ADK: variants seen among roughly 807,000 people sequenced by gnomAD.
ADK encodes N6,N6-dimethyladenosine kinase.
Under a neutral mutation model 44.7 loss-of-function variants are expected in ADK, and 24 were observed. That is an observed-to-expected ratio of 0.54 (90% CI 0.39 to 0.76). The LOEUF (loss-of-function observed/expected upper bound fraction) is 0.76, where lower values mean the gene tolerates loss of function less well. ADK is among the 30% of genes least tolerant of loss of function. The pLI is 0.00. For missense variants in ADK, 321 were observed against 425.1 expected, an observed-to-expected ratio of 0.76 and a Z score of 2.15; for synonymous variants, 128 against 142.6, an observed-to-expected ratio of 0.90 and a Z score of 0.73.
At chr10:74,600,562 A>G (rs934550175) in intron 9 of ADK, 69 bp downstream of exon 9, 1 of 842,770 alleles carries the variant, frequency 1.2e-6, no homozygotes, top group Non-Finnish European at 1.9e-6. Context: ...AAAATTCTGT[A>G]TTCTTTCTAT....
At chr10:74,284,798 G>A (rs1847095697) in intron 3 of ADK, among the ~76,000 whole-genome samples, 1 of 152,206 alleles carries the variant, frequency 6.6e-6, no homozygotes, top group African/African-American at 2.4e-5. Flanking sequence ...CTCTTCTGAG[G>A]TCCTAAAGGG....
chr10:74,492,079 G>C (rs534605450), intron 6 of ADK, among the ~76,000 whole-genome samples: 4 of 152,248 alleles, frequency 2.6e-5, no homozygotes, highest in Middle Eastern at 6.8e-3. Flanking sequence ...TCGTTTGAGA[G>C]TAAGTTGCAA....
chr10:74,580,711 C>A (rs1019780731), intron 7 of ADK, among the ~76,000 whole-genome samples: 5 of 152,104 alleles, frequency 3.3e-5, no homozygotes, highest in African/African-American at 1.2e-4. Flanking sequence ...ACTCTAAGTC[C>A]AAATAAACCT....
chr10:74,233,060 A>C (rs1378783743), intron 3 of ADK, among the ~76,000 whole-genome samples: 1 of 152,242 alleles, frequency 6.6e-6, no homozygotes, highest in Non-Finnish European at 1.5e-5. Flanking sequence ...CTTATGAAGC[A>C]CTATATGGTG....
At chr10:74,241,388 T>C (rs1310732223) in intron 3 of ADK, among the ~76,000 whole-genome samples, 4 of 152,148 alleles carry the variant, frequency 2.6e-5, no homozygotes, top group Admixed American at 6.6e-5. Context: ...CAAATAAAAC[T>C]ATTTTTTGGG....
intron 3 of ADK, among the ~76,000 whole-genome samples, chr10:74,282,658 G>A (rs1274086441): frequency 6.6e-6 from 1 of 152,098 alleles, no homozygotes; most frequent in Non-Finnish European, 1.5e-5. Context: ...AAGCTTCCCA[G>A]AAAACATGTA....
intron 6 of ADK, among the ~76,000 whole-genome samples, chr10:74,431,311 A>T (rs1844990300): frequency 6.6e-6 from 1 of 152,216 alleles, no homozygotes; most frequent in South Asian, 2.1e-4. Context: ...TATTTATAGT[A>T]GGAAATGTAG....
At chr10:74,498,427 C>A (rs531868913) in intron 6 of ADK, among the ~76,000 whole-genome samples, 1 of 152,280 alleles carries the variant, frequency 6.6e-6, no homozygotes, top group East Asian at 1.9e-4. Flanking sequence ...AAGCTGTCTA[C>A]TATTCAACTC....
chr10:74,286,466 C>G (rs1847165273), intron 3 of ADK, among the ~76,000 whole-genome samples: 1 of 152,202 alleles, frequency 6.6e-6, no homozygotes, highest in Non-Finnish European at 1.5e-5. Context: ...GAAGAGGGAG[C>G]ACAGTGGAAG....
intron 3 of ADK, among the ~76,000 whole-genome samples, chr10:74,271,681 T>C (rs1015967941): frequency 6.7e-6 from 1 of 148,992 alleles, no homozygotes; most frequent in African/African-American, 2.5e-5. Context: ...TTTGTCCTTG[T>C]GATAGTTTAC....
At position 74,708,372 on chromosome 10, in the gene ADK, C is replaced by T; in HGVS notation, c.1016C>T (p.Ala339Val). 6.2e-7 allele frequency: 1 copy of T among 1,612,772 alleles called. No individual in the cohort carries two copies. The highest frequency in any genetic ancestry group is 8.5e-7 in the Non-Finnish European group (1 of 1,179,628). The part of the protein sequence containing the change: ...SDKPLTECIR[A>V]GHYAASIIIR... The stretch of plus-strand genomic sequence containing the variant: ...AAGCCTCTGACTGAATGTATCCGTG[C>T]TGGCCACTATGCAGCAAGCATCATA... Residue 339 changes from alanine (A) to valine (V), a missense_variant, in exon 11 of 11, where the codon GCT becomes GTT. By Grantham distance (64) the Ala-to-Val change is moderately conservative (BLOSUM62 0). Transcript: ENST00000539909.
intron 6 of ADK, among the ~76,000 whole-genome samples, chr10:74,463,203 G>A (rs150941445): frequency 1.2e-4 from 18 of 152,242 alleles, no homozygotes; most frequent in African/African-American, 4.3e-4. Context: ...ATTTTCCACA[G>A]GGCAGGGTGG....
chr10:74,216,939 G>A (rs1383719525), intron 2 of ADK, among the ~76,000 whole-genome samples: 6 of 152,310 alleles, frequency 3.9e-5, no homozygotes, highest in East Asian at 1.9e-4. Flanking sequence ...CAGCGTGAGC[G>A]ATGCAGAAGA....
Position 74,624,831 on chromosome 10 carries a change from T to C in ADK, c.877+24338T>C, listed in dbSNP as rs188685327. On this transcript the variant is annotated intron_variant, in intron 9 of 10. Coordinates refer to ENST00000539909, the MANE Select transcript of ADK (RefSeq NM_006721.4). The stretch of plus-strand genomic sequence containing the variant: ...ATTTAAACAAAAATATTTGGTAAAA[T>C]GAATTTGTGTATTGGTTGAGGTTTT... Among the ~76,000 whole-genome samples, 27 of 152,200 alleles carry C rather than the reference T, an allele frequency of 1.8e-4. No individual in the cohort carries two copies. In the East Asian group the frequency reaches 4.6e-3, roughly 26 times the overall value.
intron 9 of ADK, among the ~76,000 whole-genome samples, chr10:74,605,054 T>G (rs543678929): frequency 5.7e-4 from 87 of 152,328 alleles, no homozygotes; most frequent in African/African-American, 2.0e-3. Context: ...TGTCTATTAT[T>G]GGTGTATAGG....
intron 1 of ADK, among the ~76,000 whole-genome samples, chr10:74,173,092 T>G (rs914099109): frequency 2.0e-5 from 3 of 151,368 alleles, no homozygotes; most frequent in African/African-American, 7.3e-5. Flanking sequence ...AAATTAGTTT[T>G]TTTTTTTTCT....
intron 1 of ADK, among the ~76,000 whole-genome samples, chr10:74,155,513 T>C (rs147249690): frequency 6.6e-6 from 1 of 152,072 alleles, no homozygotes; most frequent in Admixed American, 6.6e-5. Context: ...CTAGACCCTA[T>C]ATATATATTT....
At chr10:74,298,756 C>CA (rs952961285) in intron 3 of ADK, among the ~76,000 whole-genome samples, 3 of 88,810 alleles carry the variant, frequency 3.4e-5, no homozygotes, top group Admixed American at 2.4e-4. Flanking sequence ...AAAAACCCCC[C>CA]AAAAAAACAA....
chr10:74,540,299 T>C (rs1045291334), intron 7 of ADK, among the ~76,000 whole-genome samples: 15 of 152,164 alleles, frequency 9.9e-5, no homozygotes, highest in Non-Finnish European at 1.2e-4. Flanking sequence ...TATGCAGTAA[T>C]GCCTTTCTAT....
Sources: allele counts gnomAD v4.1 joint callset (sites outside exome capture counted in the v4.1 genomes callset), GRCh38; gene constraint gnomAD v4.1.1; transcripts MANE v1.5; gene names NCBI Gene and HGNC (gene_info 2026-07-23, HGNC 2026-07-21).